C1orf167: variants seen among roughly 807,000 people sequenced by gnomAD.
C1orf167 encodes chromosome 1 open reading frame 167.
In C1orf167, 153 loss-of-function variants were observed where a neutral mutation model predicts 176.5. The ratio of observed to expected loss-of-function variants is 0.87; its 90% CI spans 0.76 to 0.99. C1orf167 has a LOEUF of 0.99. Among genes scored for constraint, C1orf167 ranks in the 50% least tolerant of loss-of-function variants. The pLI, the probability that C1orf167 is intolerant of heterozygous loss-of-function variation, is 0.00. For missense variants in C1orf167, 1,490 were observed against 1,817.7 expected (o/e 0.82, Z 3.28); for synonymous variants, 594 against 752.7 (o/e 0.79, Z 3.45).
At chr1:11,774,572 A>G (rs1429176907) in intron 8 of C1orf167, among the ~76,000 whole-genome samples, 7 of 152,166 alleles carry the variant, frequency 4.6e-5, no homozygotes, top group Non-Finnish European at 8.8e-5. Flanking sequence ...GGAAGATCAG[A>G]AAAGGGTAGA....
chr1:11,771,465 G>A, intron 6 of C1orf167, 59 bp from the exon 7 acceptor site: 2 of 1,128,762 alleles, frequency 1.8e-6, no homozygotes, highest in Non-Finnish European at 2.4e-6. Flanking sequence ...CGGACAGGTT[G>A]GGACCGAGTG....
At position 11,772,241 on chromosome 1, in the gene C1orf167, A is replaced by G. The variant is rs958385330; in HGVS notation, c.1970A>G (p.Gln657Arg). 2 of 1,303,644 alleles carry G rather than the reference A, an allele frequency of 1.5e-6. No homozygotes were observed. Among genetic ancestry groups the G allele is most frequent in the Non-Finnish European group, 2.0e-6 (2 of 988,778 alleles). 80.8% of individuals were successfully genotyped at this position (1,303,644 alleles called of 1,614,324 possible). Residue 657 changes from glutamine to arginine, a missense_variant, in exon 8 of 21, where the codon CAG becomes CGG. Gln to Arg is a conservative substitution (Grantham distance 43). Transcript: ENST00000688073. Reference protein sequence around the residue: ...AWVAPLSPQHQRAWLCRCFGA... With the variant: ...AWVAPLSPQHRRAWLCRCFGA... ...GTGGCCCCACTGAGCCCCCAGCACC[A>G]GAGAGCTTGGCTGTGCAGGTAGGAT...
At chr1:11,765,002 C>T (rs6662190) in intron 2 of C1orf167, among the ~76,000 whole-genome samples, 103,014 of 144,576 alleles carry the variant, frequency 0.71, 36,592 homozygotes, top group Admixed American at 0.78. Flanking sequence ...TGTAGTGAGC[C>T]GAGATGGCAC....
rs1198498667 is a variant in C1orf167, at chr1:11,784,587, G to C, written c.3419G>C (p.Arg1140Pro). 1.6e-6 allele frequency: 2 copies of C among 1,250,286 alleles called. No individual in the cohort carries two copies. Among genetic ancestry groups the C allele is most frequent in the South Asian group, 2.7e-5 (2 of 72,964 alleles). The allele number at this position is 1,250,286 out of a possible 1,614,324, so 77.4% of individuals were successfully genotyped here. Residue 1140 changes from arginine to proline, a missense_variant, in exon 15 of 21, where the codon CGA becomes CCA. Transcript: ENST00000688073. ...CGAGCCCATGCTTCCTGGAAGCCGCGAGCCTGGTGAGTGCTGTGGTCTAAG... is the reference window on the plus strand; with the variant it reads ...CGAGCCCATGCTTCCTGGAAGCCGCCAGCCTGGTGAGTGCTGTGGTCTAAG... ...VSRAHASWKP[R>P]AWVLEASVQS...
chr1:11,767,370 G>A, intron 4 of C1orf167, 106 bp downstream of exon 4: 3 of 1,025,768 alleles, frequency 2.9e-6, no homozygotes, highest in Non-Finnish European at 4.0e-6. Flanking sequence ...TGATGGAGAG[G>A]AGGCAGGGTT....
At chr1:11,767,473 GGTTTGGGACACTGAGT>G (rs1161944596) in intron 4 of C1orf167, among the ~76,000 whole-genome samples, 1 of 152,144 alleles carries the variant, frequency 6.6e-6, no homozygotes, top group Non-Finnish European at 1.5e-5. Flanking sequence ...GATGCTCATG[GGTTTGGGACACTGAGT>G]GTCCTGAACT....
chr1:11,788,855 C>T lies in C1orf167; in HGVS notation c.4173+109C>T, dbSNP rs556288170. On this transcript the variant is annotated intron_variant, in intron 20 of 20. Coordinates refer to ENST00000688073, the MANE Select transcript of C1orf167 (RefSeq NM_001010881.2). ...TGGAGCTTTCCCTGCTTGCCAGCCCCGGGGCCCCTTCGTTTTCAGGGGAGG... is the reference window on the plus strand; with the variant it reads ...TGGAGCTTTCCCTGCTTGCCAGCCCTGGGGCCCCTTCGTTTTCAGGGGAGG... The T allele has an allele frequency of 1.0e-4, 106 of 1,021,274 alleles. No homozygotes were observed. The African/African-American group carries it at 1.0e-3, about 10-fold the overall frequency. The allele number at this position is 1,021,274 out of a possible 1,614,324, so 63.3% of individuals were successfully genotyped here.
At chr1:11,767,551 G>A (rs1405353221) in intron 4 of C1orf167, among the ~76,000 whole-genome samples, 2 of 152,068 alleles carry the variant, frequency 1.3e-5, no homozygotes, top group Admixed American at 6.6e-5. Context: ...GGCTGGATGC[G>A]GTGGCTCATG....
Position 11,766,200 on chromosome 1 carries a change from G to T in C1orf167, c.414G>T (p.Glu138Asp), listed in dbSNP as rs1161006433. The part of the protein sequence containing the change: ...NETSSPHLCP[E>D]PGGSSGPHKL... ...CCAGCAGCCCCCACCTCTGCCCAGA[G>T]CCTGGGGGAAGCTCTGGGCCCCACA... Residue 138 changes from glutamate to aspartate, a missense_variant, in exon 3 of 21, where the codon GAG becomes GAT. By Grantham distance (45) the Glu-to-Asp change is conservative. Coordinates refer to ENST00000688073, the MANE Select transcript of C1orf167 (RefSeq NM_001010881.2). The surrounding 1 kb of genome is among the most constrained non-coding windows in gnomAD (Gnocchi z 4.5). The T allele has an allele frequency of 7.8e-7, 1 of 1,289,772 alleles. No individual in the cohort carries two copies. Among genetic ancestry groups the T allele is most frequent in the Admixed American group, 2.3e-5 (1 of 43,562 alleles). The allele number at this position is 1,289,772 out of a possible 1,614,324, so 79.9% of individuals were successfully genotyped here.
At position 11,788,183 on chromosome 1, in the gene C1orf167, C is replaced by T. The variant is rs566663800; in HGVS notation, c.3883C>T (p.Gln1295Ter). 162 of 1,295,336 alleles carry T rather than the reference C, an allele frequency of 1.3e-4. No homozygotes were observed. Among genetic ancestry groups the T allele is most frequent in the Non-Finnish European group, 4.6e-5 (45 of 981,682 alleles). 80.2% of individuals were successfully genotyped at this position (1,295,336 alleles called of 1,614,324 possible). A position where few individuals can be genotyped will look rare whatever the true frequency, so the allele number is the denominator to read the frequency against. The change falls in exon 19 of 21, where the codon CAG becomes TAG. Residue 1295 changes from glutamine (Q) to a stop codon, truncating the protein, a stop_gained. Coordinates refer to ENST00000688073, the MANE Select transcript of C1orf167 (RefSeq NM_001010881.2). LOFTEE classifies it high-confidence loss of function. Reference sequence around the variant, plus strand: ...CTGCAGGATCCTGGAAAAGCAGGCCCAGGCCCATGGCTCTGCCCTCCTTCT... The same window carrying T: ...CTGCAGGATCCTGGAAAAGCAGGCCTAGGCCCATGGCTCTGCCCTCCTTCT... ...RSCRILEKQAQAHGSALLLAL... is the reference protein window; with the variant it reads ...RSCRILEKQA
At chr1:11,777,694 G>A (rs1205392932) in intron 10 of C1orf167, 2 of 151,838 alleles carry the variant, frequency 1.3e-5, no homozygotes, top group Non-Finnish European at 2.9e-5. Flanking sequence ...CACCCACATG[G>A]TCCACATGGA....
At chr1:11,763,897 C>G (rs570870587) in intron 1 of C1orf167, among the ~76,000 whole-genome samples, 13 of 152,176 alleles carry the variant, frequency 8.5e-5, no homozygotes, top group African/African-American at 3.1e-4. Flanking sequence ...CGGGGTGGCT[C>G]CAGGATTTTT....
At position 11,784,290 on chromosome 1, in the gene C1orf167, G is replaced by A. The variant is rs761097148; in HGVS notation, c.3122G>A (p.Arg1041Gln). 68 of 1,303,636 alleles carry A rather than the reference G, an allele frequency of 5.2e-5. No individual in the cohort carries two copies. Among genetic ancestry groups the A allele is most frequent in the Middle Eastern group, 2.1e-4 (1 of 4,696 alleles). The allele number at this position is 1,303,636 out of a possible 1,614,324, so 80.8% of individuals were successfully genotyped here. A position where few individuals can be genotyped will look rare whatever the true frequency, so the allele number is the denominator to read the frequency against. Residue 1041 changes from arginine to glutamine, a missense_variant, in exon 15 of 21, where the codon CGG (arginine) becomes CAG (glutamine). Arg to Gln is a conservative substitution (Grantham distance 43). Coordinates refer to ENST00000688073, the MANE Select transcript of C1orf167 (RefSeq NM_001010881.2). The stretch of plus-strand genomic sequence containing the variant: ...CTGGGGGCCGTGTTTGCCACATGGC[G>A]GGAAGCCCAGGAAGTGGCAGCCGGG... ...RALGAVFATW[R>Q]EAQEVAAGAQ... is the part of the protein sequence containing the mutation.
intron 16 of C1orf167, 45 bp downstream of exon 16, chr1:11,785,334 G>A: frequency 8.1e-7 from 1 of 1,240,132 alleles, no homozygotes; most frequent in Non-Finnish European, 1.0e-6. Context: ...GGCCCCGGAT[G>A]GCCAGCAGGG....
chr1:11,774,203 C>T (rs947618424), intron 8 of C1orf167, among the ~76,000 whole-genome samples: 1 of 151,894 alleles, frequency 6.6e-6, no homozygotes, highest in East Asian at 1.9e-4. Flanking sequence ...CCATGCCTGG[C>T]GAATTTTAAA....
intron 4 of C1orf167, among the ~76,000 whole-genome samples, 187 bp from the exon 5 acceptor site, chr1:11,767,889 TG>T (rs1642876246): frequency 6.6e-6 from 1 of 152,068 alleles, no homozygotes; most frequent in African/African-American, 2.4e-5. Flanking sequence ...CTTGCTTGTG[TG>T]GGGTTTCCAA....
intron 8 of C1orf167, among the ~76,000 whole-genome samples, chr1:11,774,750 T>G (rs965973080): frequency 1.3e-5 from 2 of 152,120 alleles, no homozygotes; most frequent in Non-Finnish European, 2.9e-5. Flanking sequence ...GGCTGAAATT[T>G]GATGGTAGAG....
chr1:11,765,895 A>G lies in C1orf167; in HGVS notation c.109A>G (p.Ser37Gly). ...RFRRSLGIGL[S>G]GRHDQWVPGC... ...CCGGAGGAGCCTGGGCATCGGCCTG[A>G]GTGGTAGACATGACCAGTGGGTGCC... Residue 37 changes from serine to glycine, a missense_variant, in exon 3 of 21, where the codon AGT (serine) becomes GGT (glycine). Transcript: ENST00000688073. 1 of 1,208,972 alleles carries G rather than the reference A, an allele frequency of 8.3e-7. No individual in the cohort carries two copies. Among genetic ancestry groups the G allele is most frequent in the Non-Finnish European group, 1.1e-6 (1 of 950,584 alleles). The allele number at this position is 1,208,972 out of a possible 1,614,324, so 74.9% of individuals were successfully genotyped here.
chr1:11,787,571 G>A lies in C1orf167; in HGVS notation c.3673+78G>A, dbSNP rs1049158823. 2.3e-5 allele frequency: 23 copies of A among 1,021,068 alleles called. No individual in the cohort carries two copies. The African/African-American group carries it at 2.9e-4, about 13-fold the overall frequency. The allele number at this position is 1,021,068 out of a possible 1,614,324, so 63.3% of individuals were successfully genotyped here. On this transcript the variant is annotated intron_variant, in intron 17 of 20. Coordinates refer to ENST00000688073, the MANE Select transcript of C1orf167 (RefSeq NM_001010881.2). ...GCGGTCTCCAGTCCTCAGGGGCCTG[G>A]AAATCAGCTCCTTGGGACACGGTCT...
Sources: gnomAD v4.1 joint callset for allele counts (sites outside exome capture counted in the v4.1 genomes callset) on GRCh38, gnomAD v4.1.1 for gene constraint, Gnocchi (gnomAD v3.1) non-coding constraint, MANE v1.5 for transcripts, NCBI Gene and HGNC (gene_info 2026-07-23, HGNC 2026-07-21) for gene names.